Variants in CSMD1 observed in about 807,000 individuals in gnomAD.
The protein encoded by CSMD1 is CUB and Sushi multiple domains 1.
CSMD1 carries 213 observed loss-of-function variants against 417.5 expected under a neutral mutation model. That is an observed-to-expected ratio of 0.51 (90% CI 0.46 to 0.57). The LOEUF (loss-of-function observed/expected upper bound fraction) is 0.57. Ranked by LOEUF, CSMD1 falls within the 20% of genes least tolerant of loss-of-function variation. The pLI is 0.00. For missense variants in CSMD1, 6,923 were observed against 4,529.7 expected (o/e 1.53, Z -15.17); for synonymous variants, 2,862 against 1,736.8 (o/e 1.65, Z -16.11).
intron 1 of CSMD1, among the ~76,000 whole-genome samples, chr8:4,824,689 C>G (rs1275227853): frequency 1.3e-5 from 2 of 152,190 alleles, no homozygotes; most frequent in Non-Finnish European, 2.9e-5. Flanking sequence ...GTACACATTT[C>G]TATCCACTGA....
intron 2 of CSMD1, among the ~76,000 whole-genome samples, chr8:4,489,482 G>T (rs1047475867): frequency 1.3e-5 from 2 of 152,148 alleles, no homozygotes; most frequent in African/African-American, 4.8e-5. Flanking sequence ...AACACCATAT[G>T]CCCCACCAGA....
At chr8:4,009,991 C>G (rs12674864) in intron 4 of CSMD1, among the ~76,000 whole-genome samples, 1 of 152,066 alleles carries the variant, frequency 6.6e-6, no homozygotes, top group African/African-American at 2.4e-5. Context: ...TTCTGACCCC[C>G]TAATCTTAAT....
rs541234457 is a variant in CSMD1 at position 4,965,123 on chromosome 8, G to C, written c.85+29209C>G. ...TTATGTAATGTGAATATGCACATCTGTTCTGAAGATACAAGCAAATATTTG... is the reference window on the plus strand; with the variant it reads ...TTATGTAATGTGAATATGCACATCTCTTCTGAAGATACAAGCAAATATTTG... On this transcript the variant is annotated intron_variant, in intron 1 of 69. Coordinates refer to ENST00000635120, the MANE Select transcript of CSMD1 (RefSeq NM_033225.6). 1.4e-4 allele frequency among the ~76,000 whole-genome samples: 21 copies of C among 152,262 alleles called. No individual in the cohort carries two copies. In the South Asian group the frequency reaches 3.9e-3, roughly 29 times the overall value.
intron 5 of CSMD1, among the ~76,000 whole-genome samples, chr8:3,802,331 T>C (rs1402670117): frequency 1.3e-5 from 2 of 152,190 alleles, no homozygotes; most frequent in South Asian, 2.1e-4. Context: ...GTAATTCCTA[T>C]TATGTTATAC....
intron 1 of CSMD1, among the ~76,000 whole-genome samples, chr8:4,913,499 C>T (rs897436750): frequency 6.6e-6 from 1 of 152,022 alleles, no homozygotes; most frequent in Non-Finnish European, 1.5e-5. Context: ...GAAAACTACC[C>T]CCATATGTCT....
rs1188518999 is a variant in CSMD1 at position 4,168,172 on chromosome 8, CACACAT to C, written c.416-136079_416-136074del. On this transcript the variant is annotated intron_variant, in intron 3 of 69. Transcript: ENST00000635120. Reference sequence around the variant, plus strand: ...ACACACACACACACACACACACACACACACATACACACACACGTATGTATGTATATA... The same window carrying C: ...ACACACACACACACACACACACACACACACACACACGTATGTATGTATATA... Among the ~76,000 whole-genome samples, 128 of 149,568 alleles carry C rather than the reference CACACAT, an allele frequency of 8.6e-4. 1 individual carries two copies. Among genetic ancestry groups the C allele is most frequent in the African/African-American group, 2.6e-3 (103 of 40,268 alleles).
At chr8:3,450,762 C>A (rs1021744681) in intron 12 of CSMD1, among the ~76,000 whole-genome samples, 3 of 151,940 alleles carry the variant, frequency 2.0e-5, no homozygotes, top group Non-Finnish European at 4.4e-5. Flanking sequence ...GTGAATAGTG[C>A]CACAGTAAAC....
intron 7 of CSMD1, among the ~76,000 whole-genome samples, chr8:3,653,470 G>A (rs557834714): frequency 1.3e-5 from 2 of 152,094 alleles, no homozygotes; most frequent in South Asian, 2.1e-4. Flanking sequence ...CACCACACCC[G>A]GCTATTTTTC....
chr8:4,878,745 A>T (rs1203793640), intron 1 of CSMD1, among the ~76,000 whole-genome samples: 1 of 151,914 alleles, frequency 6.6e-6, no homozygotes, highest in East Asian at 1.9e-4. Flanking sequence ...TGTGTAGAAA[A>T]CATTCACAGT....
chr8:3,103,549 C>G lies in CSMD1; in HGVS notation c.6949+2979G>C, dbSNP rs188492522. Among the ~76,000 whole-genome samples, 4 of 152,172 alleles carry G rather than the reference C, an allele frequency of 2.6e-5. No individual in the cohort carries two copies. The East Asian group carries it at 7.7e-4, about 29-fold the overall frequency. On this transcript the variant is annotated intron_variant, in intron 46 of 69. Coordinates refer to ENST00000635120, the MANE Select transcript of CSMD1 (RefSeq NM_033225.6). ...GCGTGGCCCCGTAGTACTGCAACTG[C>G]TAGACGTCACTCGGTGGTAGGAATT...
At chr8:3,690,258 A>T (rs1362838917) in intron 7 of CSMD1, among the ~76,000 whole-genome samples, 2 of 152,168 alleles carry the variant, frequency 1.3e-5, no homozygotes, top group Non-Finnish European at 2.9e-5. Context: ...ACTTGGGAGG[A>T]GGCTGAGTCA....
intron 3 of CSMD1, among the ~76,000 whole-genome samples, chr8:4,209,461 C>T (rs555123684): frequency 2.0e-5 from 3 of 152,326 alleles, no homozygotes; most frequent in South Asian, 2.1e-4. Flanking sequence ...GACATTGTCA[C>T]ATCTGCTAGT....
At chr8:4,088,419 C>G (rs1446699750) in intron 3 of CSMD1, among the ~76,000 whole-genome samples, 3 of 152,208 alleles carry the variant, frequency 2.0e-5, no homozygotes, top group African/African-American at 4.8e-5. Flanking sequence ...GGTTTCCTCT[C>G]CAAACTCACT....
At chr8:3,576,564 T>C (rs1800159909) in intron 9 of CSMD1, among the ~76,000 whole-genome samples, 1 of 152,198 alleles carries the variant, frequency 6.6e-6, no homozygotes, top group Non-Finnish European at 1.5e-5. Flanking sequence ...TCTACATTGA[T>C]AAGTGTGTTA....
At chr8:4,793,451 C>T (rs2117244570) in intron 1 of CSMD1, among the ~76,000 whole-genome samples, 1 of 152,074 alleles carries the variant, frequency 6.6e-6, no homozygotes, top group East Asian at 1.9e-4. Context: ...CTTTCTCCTC[C>T]AGCTCCATCC....
At chr8:4,591,703 G>A (rs564297382) in intron 2 of CSMD1, among the ~76,000 whole-genome samples, 2 of 152,266 alleles carry the variant, frequency 1.3e-5, no homozygotes, top group Admixed American at 1.3e-4. Flanking sequence ...ATATAAATAT[G>A]CAATGAAAAT....
chr8:4,948,750 T>C (rs897063353), intron 1 of CSMD1, among the ~76,000 whole-genome samples: 2 of 152,116 alleles, frequency 1.3e-5, no homozygotes, highest in African/African-American at 2.4e-5. Flanking sequence ...AAAGTGATAG[T>C]TTAGTTTCTT....
intron 5 of CSMD1, among the ~76,000 whole-genome samples, chr8:3,918,813 G>A (rs947855293): frequency 1.3e-5 from 2 of 152,076 alleles, no homozygotes; most frequent in Non-Finnish European, 2.9e-5. Context: ...ATTCATAAAT[G>A]GGAGCCAAAC....
chr8:3,707,896 T>A (rs1801263655), intron 7 of CSMD1, among the ~76,000 whole-genome samples: 1 of 152,214 alleles, frequency 6.6e-6, no homozygotes, highest in Admixed American at 6.5e-5. Flanking sequence ...TGATCTGGTA[T>A]CTACCAGGTC....
Sources: allele counts gnomAD v4.1 joint callset (sites outside exome capture counted in the v4.1 genomes callset), GRCh38; gene constraint gnomAD v4.1.1; transcripts MANE v1.5; gene names NCBI Gene and HGNC (gene_info 2026-07-23, HGNC 2026-07-21).